The following SYNPR variants were observed in gnomAD, a reference collection of about 807,000 sequenced individuals.
SYNPR encodes the protein synaptoporin.
In SYNPR, 23 loss-of-function variants were observed where a neutral mutation model predicts 32.9. The ratio of observed to expected loss-of-function variants is 0.70; its 90% CI spans 0.50 to 0.99. SYNPR has a LOEUF of 0.99. Among genes scored for constraint, SYNPR ranks in the 50% least tolerant of loss-of-function variants. The probability of loss-of-function intolerance (pLI) is 0.00; values close to 1 mark genes in which losing one functional copy is unlikely to be tolerated. For missense variants in SYNPR, 318 were observed against 349.3 expected (o/e 0.91, Z 0.71); for synonymous variants, 146 against 135.9 (o/e 1.07, Z -0.52).
intron 2 of SYNPR, among the ~76,000 whole-genome samples, chr3:63,471,851 G>A (rs914888497): frequency 6.6e-6 from 1 of 152,204 alleles, no homozygotes; most frequent in Non-Finnish European, 1.5e-5. Context: ...CCTATGAGCT[G>A]TTGAATTGTG....
chr3:63,206,256 G>C, the SYNPR span, among the ~76,000 whole-genome samples: 1 of 152,130 alleles, frequency 6.6e-6, no homozygotes, highest in South Asian at 2.1e-4. Context: ...CCAGTTTAGG[G>C]GGGGAAAGGC....
chr3:63,259,089 C>T (rs1237389884), intron 2 of SYNPR, among the ~76,000 whole-genome samples: 9 of 152,042 alleles, frequency 5.9e-5, no homozygotes, highest in African/African-American at 2.2e-4. Flanking sequence ...TAATATCTTA[C>T]CAACAAAAAA....
Position 63,328,105 on chromosome 3 carries a change from G to T in SYNPR, c.84+49363G>T, listed in dbSNP as rs544198200. On this transcript the variant is annotated intron_variant, in intron 2 of 5. Transcript: ENST00000478300. ...TGTCCCCATGATTAGGTTTTAACAT[G>T]ACTTTTAAGAAATTCTACAAATCTC... Among the ~76,000 whole-genome samples the T allele has an allele frequency of 5.9e-5, 9 of 152,228 alleles. No homozygotes were observed. The South Asian group carries it at 1.9e-3, about 32-fold the overall frequency.
intron 2 of SYNPR, among the ~76,000 whole-genome samples, chr3:63,279,616 A>G (rs13325452): frequency 0.071 from 10,797 of 152,020 alleles, 419 homozygotes; most frequent in Middle Eastern, 0.099. Context: ...CTTGCTAGGA[A>G]CTCCAAAAGG....
intron 2 of SYNPR, among the ~76,000 whole-genome samples, chr3:63,451,463 A>G (rs1031223401): frequency 1.3e-5 from 2 of 152,136 alleles, no homozygotes; most frequent in African/African-American, 2.4e-5. Flanking sequence ...AATAAAACCA[A>G]ATGCAATATG....
At chr3:63,357,165 G>T (rs2087593979) in intron 2 of SYNPR, among the ~76,000 whole-genome samples, 1 of 152,026 alleles carries the variant, frequency 6.6e-6, no homozygotes, top group Non-Finnish European at 1.5e-5. Flanking sequence ...AGAGTCCTGG[G>T]GCCCATTTGC....
intron 3 of SYNPR, chr3:63,550,006 A>G (rs1384392993): frequency 2.0e-5 from 3 of 152,172 alleles, no homozygotes; most frequent in Non-Finnish European, 4.4e-5. Context: ...TTGCTCGCCG[A>G]CTAGTTCCTC....
intron 3 of SYNPR, among the ~76,000 whole-genome samples, chr3:63,511,239 A>T (rs1224954512): frequency 6.6e-6 from 1 of 151,980 alleles, no homozygotes; most frequent in African/African-American, 2.4e-5. Context: ...TCATCTAAGA[A>T]AGTGACCCTG....
intron 2 of SYNPR, among the ~76,000 whole-genome samples, chr3:63,257,825 T>A (rs536555291): frequency 1.3e-5 from 2 of 152,020 alleles, no homozygotes; most frequent in Non-Finnish European, 2.9e-5. Flanking sequence ...AGAAAACCCA[T>A]CTCACGTGCA....
At chr3:63,382,486 A>C (rs2087984938) in intron 2 of SYNPR, among the ~76,000 whole-genome samples, 1 of 152,240 alleles carries the variant, frequency 6.6e-6, no homozygotes, top group Admixed American at 6.5e-5. Context: ...CTATATTCTT[A>C]AAGTTTCCTT....
At chr3:63,402,568 A>C (rs1473709885) in intron 2 of SYNPR, among the ~76,000 whole-genome samples, 1 of 152,224 alleles carries the variant, frequency 6.6e-6, no homozygotes, top group Non-Finnish European at 1.5e-5. Context: ...AAAAAAGGCC[A>C]GCCTATTTGT....
At chr3:63,257,770 T>C (rs2086399311) in intron 2 of SYNPR, among the ~76,000 whole-genome samples, 1 of 152,084 alleles carries the variant, frequency 6.6e-6, no homozygotes, top group South Asian at 2.1e-4. Flanking sequence ...AGACACAGAC[T>C]GGTAAATTGG....
chr3:63,407,747 G>T (rs977357538), intron 2 of SYNPR, among the ~76,000 whole-genome samples: 2 of 152,098 alleles, frequency 1.3e-5, no homozygotes, highest in Non-Finnish European at 2.9e-5. Context: ...CAAGACAAAT[G>T]GTGGGTTAAG....
At chr3:63,255,039 G>C (rs2086370206) in intron 2 of SYNPR, among the ~76,000 whole-genome samples, 1 of 152,092 alleles carries the variant, frequency 6.6e-6, no homozygotes, top group Admixed American at 6.6e-5. Context: ...ATACATTTCT[G>C]TTCAAGATCA....
In SYNPR at chr3:63,396,168, T is replaced by G. The variant is rs189455475; in HGVS notation, c.85-84664T>G. Among the ~76,000 whole-genome samples, 16 of 152,330 alleles carry G rather than the reference T, an allele frequency of 1.1e-4. No individual in the cohort carries two copies. The East Asian group carries it at 3.1e-3, about 29-fold the overall frequency. ...GCATAGTCTTTTGTATGATATCCGC[T>G]CCACAATTAATTCTGGAGTTGGTAT... On this transcript the variant is annotated intron_variant, in intron 2 of 5. Coordinates refer to ENST00000478300, the MANE Select transcript of SYNPR (RefSeq NM_001130003.2).
chr3:63,598,693 G>C (rs920645751), intron 4 of SYNPR, among the ~76,000 whole-genome samples: 9 of 152,022 alleles, frequency 5.9e-5, no homozygotes, highest in African/African-American at 1.4e-4. Context: ...GGTTTTATGG[G>C]GACCACATAG....
intron 1 of SYNPR, among the ~76,000 whole-genome samples, chr3:63,244,029 A>T (rs1399058116): frequency 2.0e-5 from 3 of 152,098 alleles, no homozygotes; most frequent in Admixed American, 1.3e-4. Flanking sequence ...CTTGCTTACA[A>T]AGGTAATAGA....
intron 2 of SYNPR, among the ~76,000 whole-genome samples, chr3:63,254,085 G>T (rs4618216): frequency 2.0e-4 from 31 of 151,934 alleles, no homozygotes; most frequent in African/African-American, 6.8e-4. Flanking sequence ...ACCAAACACC[G>T]CATGTTCTCA....
At chr3:63,227,010 G>T (rs1017671795), upstream of SYNPR, among the ~76,000 whole-genome samples, 1 of 151,928 alleles carries the variant, frequency 6.6e-6, no homozygotes, top group African/African-American at 2.4e-5. Context: ...ATCAATAAAA[G>T]AAAAAATCAA....
Sources: gnomAD v4.1 joint callset for allele counts (sites outside exome capture counted in the v4.1 genomes callset) on GRCh38, gnomAD v4.1.1 for gene constraint, MANE v1.5 for transcripts, NCBI Gene and HGNC (gene_info 2026-07-23, HGNC 2026-07-21) for gene names.